Variants in ARHGEF18 observed in about 807,000 individuals in gnomAD.
ARHGEF18 encodes the protein Rho/Rac guanine nucleotide exchange factor 18.
ARHGEF18 carries 93 observed loss-of-function variants against 155.7 expected under a neutral mutation model. The ratio of observed to expected loss-of-function variants is 0.60; its 90% CI spans 0.50 to 0.71. The LOEUF (loss-of-function observed/expected upper bound fraction) is 0.71. Ranked by LOEUF, ARHGEF18 falls within the 30% of genes least tolerant of loss-of-function variation. The pLI is 0.00. For synonymous variants in ARHGEF18, 742 were observed against 753.1 expected, an observed-to-expected ratio of 0.99 and a Z score of 0.24; for missense variants, 1,593 against 1,816.1, an observed-to-expected ratio of 0.88 and a Z score of 2.23.
chr19:7,413,944 T>G (rs952569166), intron 10 of ARHGEF18, among the ~76,000 whole-genome samples: 1 of 152,166 alleles, frequency 6.6e-6, no homozygotes, highest in Admixed American at 6.5e-5. Context: ...TGTAGAAAGC[T>G]TATTTATCAA....
intron 15 of ARHGEF18, among the ~76,000 whole-genome samples, chr19:7,450,246 A>T (rs1190135166): frequency 2.5e-4 from 1 of 3,962 alleles, no homozygotes. Context: ...ATGTTAATAC[A>T]GGCTCTTGCT....
At position 7,368,689 on chromosome 19, in the gene ARHGEF18, C is replaced by T. The variant is rs116745458; in HGVS notation, c.16-4123C>T. 6.0e-3 allele frequency among the ~76,000 whole-genome samples: 916 copies of T among 152,154 alleles called. 7 individuals carry two copies. Among genetic ancestry groups the T allele is most frequent in the African/African-American group, 0.021 (868 of 41,496 alleles). ...GGCTGTCCTGACGTGTTTATATTTA[C>T]AGGAGGATGAAAACCAGAGACACAA... On this transcript the variant is annotated intron_variant, in intron 2 of 28. Coordinates refer to ENST00000668164, the MANE Select transcript of ARHGEF18 (RefSeq NM_001367823.1).
At chr19:7,353,991 G>T (rs1039815596) in intron 1 of ARHGEF18, among the ~76,000 whole-genome samples, 1 of 150,532 alleles carries the variant, frequency 6.6e-6, no homozygotes, top group Non-Finnish European at 1.5e-5. Flanking sequence ...AAAAAGAAAA[G>T]AAATAGATAT....
Position 7,469,063 on chromosome 19 carries a change from C to T in ARHGEF18, c.3719C>T (p.Ala1240Val), listed in dbSNP as rs749479535. ...AVQQQIPTKLAASTKGGKDKG... is the reference protein window; with the variant it reads ...AVQQQIPTKLVASTKGGKDKG... The stretch of plus-strand genomic sequence containing the variant: ...CAGCAGCAGATCCCCACCAAGCTGG[C>T]GGCCTCCACCAAGGGTGGCAAGGAC... The change falls in exon 27 of 29, where the codon GCG (alanine) becomes GTG (valine). Residue 1240 changes from alanine (A) to valine (V), a missense_variant. Physicochemically the swap from Ala to Val is moderately conservative, Grantham distance 64. Transcript: ENST00000668164. 1.8e-5 allele frequency: 29 copies of T among 1,607,960 alleles called. No individual in the cohort carries two copies. Among genetic ancestry groups the T allele is most frequent in the Non-Finnish European group, 2.1e-5 (25 of 1,178,224 alleles).
Position 7,459,948 on chromosome 19 carries a change from A to G in ARHGEF18, c.2406A>G (p.Glu802=). The change falls in exon 20 of 29, where the codon GAA becomes GAG. Residue 802 remains glutamate, a synonymous_variant. Coordinates refer to ENST00000668164, the MANE Select transcript of ARHGEF18 (RefSeq NM_001367823.1). ...GGCCCTTCAGCCTGCCCGAAGAGGA[A>G]AGGAAGGTGGTCGAGGCCCGCGCCA... ...EEGPFSLPEE[E]RKVVEARATR... is the part of the protein sequence containing the mutation. The G allele has an allele frequency of 1.9e-6, 3 of 1,592,402 alleles. No homozygotes were observed. Among genetic ancestry groups the G allele is most frequent in the Non-Finnish European group, 2.6e-6 (3 of 1,169,488 alleles).
At chr19:7,452,333 C>T (rs1244519617) in intron 16 of ARHGEF18, among the ~76,000 whole-genome samples, 3 of 152,234 alleles carry the variant, frequency 2.0e-5, no homozygotes, top group African/African-American at 7.2e-5. Flanking sequence ...CTGACCACAG[C>T]TCTCGCTTCA....
intron 2 of ARHGEF18, among the ~76,000 whole-genome samples, chr19:7,367,977 AAGAGAG>A (rs537429456): frequency 1.0e-4 from 7 of 66,760 alleles, no homozygotes; most frequent in Non-Finnish European, 1.7e-4. Flanking sequence ...AAAGGAAAGA[AAGAGAG>A]AGAGAGAGAG....
chr19:7,428,314 C>T (rs773711633), intron 10 of ARHGEF18, among the ~76,000 whole-genome samples: 5 of 152,134 alleles, frequency 3.3e-5, no homozygotes, highest in Non-Finnish European at 5.9e-5. Context: ...TCCCATCTGT[C>T]GGGCCAGGCG....
chr19:7,456,424 G>C (rs762030226), intron 18 of ARHGEF18, 21 bp downstream of exon 18: 1 of 1,611,084 alleles, frequency 6.2e-7, no homozygotes. Context: ...TGTCTCTTCA[G>C]ACGAAGGGTC....
At chr19:7,403,773 G>A (rs914855284) in intron 10 of ARHGEF18, among the ~76,000 whole-genome samples, 3 of 151,916 alleles carry the variant, frequency 2.0e-5, no homozygotes, top group Non-Finnish European at 4.4e-5. Context: ...CTTGGCTCAA[G>A]AGATCCTCCT....
chr19:7,446,921 AG>A, intron 14 of ARHGEF18, 121 bp from the exon 15 acceptor site: 1 of 1,274,278 alleles, frequency 7.8e-7, no homozygotes, highest in South Asian at 1.4e-5. Context: ...AGAAGAAGAA[AG>A]AAAGAAAATG....
chr19:7,355,228 T>C (rs1326961488), intron 1 of ARHGEF18, among the ~76,000 whole-genome samples: 1 of 151,618 alleles, frequency 6.6e-6, no homozygotes, highest in East Asian at 1.9e-4. Context: ...CAAAAGCACG[T>C]GCTCTCTACA....
At chr19:7,447,464 G>A (rs113316189) in intron 15 of ARHGEF18, among the ~76,000 whole-genome samples, 233 of 151,032 alleles carry the variant, frequency 1.5e-3, no homozygotes, top group African/African-American at 5.4e-3. Flanking sequence ...CACTGCACTC[G>A]AGCCTGGCAA....
chr19:7,416,530 C>CGTGTGTGTGTGTGTGT (rs71179108), intron 10 of ARHGEF18, among the ~76,000 whole-genome samples: 19 of 105,948 alleles, frequency 1.8e-4, no homozygotes, highest in African/African-American at 6.7e-5. Context: ...GGAGAAAATT[C>CGTGTGTGTGTGTGTGT]GTGTGTGTGT....
intron 10 of ARHGEF18, among the ~76,000 whole-genome samples, chr19:7,432,044 T>A (rs1600417099): frequency 6.6e-6 from 1 of 152,174 alleles, no homozygotes; most frequent in South Asian, 2.1e-4. Flanking sequence ...ATGTCTTTTT[T>A]AATTTTTCTT....
intron 10 of ARHGEF18, among the ~76,000 whole-genome samples, chr19:7,438,753 A>G (rs1224678228): frequency 6.6e-6 from 1 of 152,164 alleles, no homozygotes; most frequent in East Asian, 1.9e-4. Flanking sequence ...TTACCTGGGC[A>G]AAGCTTTAAG....
At chr19:7,469,177 G>T (rs1170380473) in intron 27 of ARHGEF18, 46 bp downstream of exon 27, 2 of 1,524,584 alleles carry the variant, frequency 1.3e-6, no homozygotes, top group East Asian at 2.4e-5. Context: ...GGTGCAACTG[G>T]TCAGGCTCTA....
In ARHGEF18 at chr19:7,467,454, G is replaced by T; in HGVS notation, c.3250G>T (p.Ala1084Ser). ...GTGGCAGCACCAGGAGCTGGAGCGT[G>T]CGGGCGCGCGGCTGCAGGAGCGCGA... ...RQWQHQELERAGARLQEREGE... is the reference protein window; with the variant it reads ...RQWQHQELERSGARLQEREGE... The change falls in exon 26 of 29, where the codon GCG (alanine) becomes TCG (serine). Residue 1084 changes from alanine (A) to serine (S), a missense_variant. Ala to Ser is a moderately conservative substitution (Grantham distance 99). Transcript: ENST00000668164. 1 of 1,509,514 alleles carries T rather than the reference G, an allele frequency of 6.6e-7. No individual in the cohort carries two copies. Among genetic ancestry groups the T allele is most frequent in the East Asian group, 2.5e-5 (1 of 39,604 alleles). 93.5% of individuals were successfully genotyped at this position (1,509,514 alleles called of 1,614,324 possible).
chr19:7,393,835 A>G (rs1971534496), intron 10 of ARHGEF18, among the ~76,000 whole-genome samples: 1 of 147,222 alleles, frequency 6.8e-6, no homozygotes. Flanking sequence ...TGCTGGACCT[A>G]TGTGGAGTGT....
Sources: gnomAD v4.1 joint callset for allele counts (sites outside exome capture counted in the v4.1 genomes callset) on GRCh38, gnomAD v4.1.1 for gene constraint, MANE v1.5 for transcripts, NCBI Gene and HGNC (gene_info 2026-07-23, HGNC 2026-07-21) for gene names.